Variants in TEX101 observed in about 807,000 individuals in gnomAD.
TEX101 encodes the protein testis-expressed protein 101.
Under a neutral mutation model 18.1 loss-of-function variants are expected in TEX101, and 10 were observed. The observed-to-expected ratio is 0.55, with a 90% confidence interval of 0.34 to 0.94. The LOEUF (loss-of-function observed/expected upper bound fraction) is 0.94, where lower values mean the gene tolerates loss of function less well. Among genes scored for constraint, TEX101 ranks in the 40% least tolerant of loss-of-function variants. The pLI is 0.02. For missense variants in TEX101, 259 were observed against 298.9 expected, an observed-to-expected ratio of 0.87 and a Z score of 0.98; for synonymous variants, 94 against 114.8, an observed-to-expected ratio of 0.82 and a Z score of 1.16.
chr19:43,416,685 A>G, intron 4 of TEX101, 130 bp downstream of exon 4: 1 of 879,026 alleles, frequency 1.1e-6, no homozygotes, highest in Non-Finnish European at 1.8e-6. Flanking sequence ...AGTTCAAGTA[A>G]TTTTATGTTT....
At chr19:43,404,406 AT>A (rs1002327283) in intron 2 of TEX101, among the ~76,000 whole-genome samples, 14 of 145,716 alleles carry the variant, frequency 9.6e-5, no homozygotes, top group African/African-American at 3.7e-4. Flanking sequence ...TGATATCTAT[AT>A]TATATTACAT....
the TEX101 span, among the ~76,000 whole-genome samples, chr19:43,391,648 G>T: frequency 2.0e-5 from 3 of 152,038 alleles, no homozygotes; most frequent in African/African-American, 7.2e-5. Flanking sequence ...AACCTTCCCG[G>T]GTGCACAGAC....
intron 2 of TEX101, among the ~76,000 whole-genome samples, chr19:43,405,099 G>A (rs1165275525): frequency 2.0e-5 from 3 of 152,222 alleles, no homozygotes; most frequent in African/African-American, 7.2e-5. Flanking sequence ...TGCAAGGTTA[G>A]TTAGTATGTA....
intron 2 of TEX101, among the ~76,000 whole-genome samples, chr19:43,403,025 C>G (rs1970331548): frequency 6.6e-6 from 1 of 152,182 alleles, no homozygotes; most frequent in Non-Finnish European, 1.5e-5. Flanking sequence ...AAATAATGAT[C>G]TGGACAGATG....
At position 43,415,950 on chromosome 19, in the gene TEX101, A is replaced by G; in HGVS notation, c.31A>G (p.Ile11Val). Residue 11 changes from isoleucine (I) to valine (V), a missense_variant, in exon 2 of 6, where the codon ATC becomes GTC. Ile to Val is a conservative substitution (Grantham distance 29, BLOSUM62 3). Transcript: ENST00000598265. MGTPRIQHLL[I>V]LLVLGASLLT... is the part of the protein sequence containing the mutation. Reference sequence around the variant, plus strand: ...AACCCCTCGTATCCAGCATTTGCTGATCCTCCTGGTCCTAGGAGCCTCCCT... The same window carrying G: ...AACCCCTCGTATCCAGCATTTGCTGGTCCTCCTGGTCCTAGGAGCCTCCCT... The G allele has an allele frequency of 6.2e-7, 1 of 1,614,126 alleles. No individual in the cohort carries two copies. The highest frequency in any genetic ancestry group is 1.1e-5 in the South Asian group (1 of 91,084).
At chr19:43,406,968 G>A (rs1182544230) in intron 3 of TEX101, among the ~76,000 whole-genome samples, 1 of 146,540 alleles carries the variant, frequency 6.8e-6, no homozygotes, top group African/African-American at 2.6e-5. Context: ...TCATTCTGTG[G>A]CACAGGCTGG....
the TEX101 span, among the ~76,000 whole-genome samples, chr19:43,393,368 G>A: frequency 1.2e-4 from 19 of 152,318 alleles, no homozygotes; most frequent in African/African-American, 3.1e-4. Context: ...CCCATCCATC[G>A]TTTCCTGGCC....
chr19:43,401,651 C>G (rs953717524), intron 1 of TEX101: 2 of 152,124 alleles, frequency 1.3e-5, no homozygotes, highest in Non-Finnish European at 2.9e-5. Context: ...GTTGGGAGTT[C>G]GAGACCAACC....
At chr19:43,389,808 T>C in the TEX101 span, among the ~76,000 whole-genome samples, 1 of 152,190 alleles carries the variant, frequency 6.6e-6, no homozygotes, top group Non-Finnish European at 1.5e-5. Context: ...GTCCCTTCCA[T>C]GTCCTACATC....
chr19:43,414,733 G>A (rs757703520), upstream of TEX101: 240 of 680,610 alleles, frequency 3.5e-4, no homozygotes, highest in Non-Finnish European at 4.2e-4. Context: ...CACCTTCCGA[G>A]CATGCGCACC....
the TEX101 span, among the ~76,000 whole-genome samples, chr19:43,392,098 G>GAA: frequency 1.3e-5 from 2 of 152,108 alleles, no homozygotes; most frequent in Non-Finnish European, 2.9e-5. Context: ...GATGGAGAGA[G>GAA]AGAGAAAATG....
upstream of TEX101, among the ~76,000 whole-genome samples, chr19:43,396,826 A>ATT (rs1202828153): frequency 0.011 from 919 of 82,916 alleles, 87 homozygotes; most frequent in Non-Finnish European, 0.015. Flanking sequence ...TGTTTTCAGC[A>ATT]TTTTTTTTTT....
the TEX101 span, among the ~76,000 whole-genome samples, chr19:43,395,742 G>T: frequency 2.6e-3 from 391 of 152,342 alleles, 13 homozygotes; most frequent in Admixed American, 0.024. Flanking sequence ...TTGGGAGCAG[G>T]ACACACCTGC....
At chr19:43,392,437 AC>A in the TEX101 span, among the ~76,000 whole-genome samples, 20 of 152,058 alleles carry the variant, frequency 1.3e-4, no homozygotes, top group Non-Finnish European at 2.5e-4. Flanking sequence ...CACTTGCGCA[AC>A]CCCGGATTTG....
At chr19:43,409,690 AC>A (rs1568457024) in intron 3 of TEX101, among the ~76,000 whole-genome samples, 2 of 152,088 alleles carry the variant, frequency 1.3e-5, no homozygotes, top group Non-Finnish European at 2.9e-5. Flanking sequence ...AATTGCTTGA[AC>A]CTGGGAGGCG....
At chr19:43,413,809 C>T (rs1456591988), upstream of TEX101, among the ~76,000 whole-genome samples, 1 of 152,014 alleles carries the variant, frequency 6.6e-6, no homozygotes, top group East Asian at 1.9e-4. Flanking sequence ...AAAAATTAGC[C>T]AGGTGTGGTG....
At chr19:43,413,273 G>A (rs184734516), upstream of TEX101, among the ~76,000 whole-genome samples, 15 of 151,880 alleles carry the variant, frequency 9.9e-5, 1 homozygote, top group East Asian at 2.0e-3. Flanking sequence ...TTTGGGGGGC[G>A]GGCGGATCAC....
upstream of TEX101, among the ~76,000 whole-genome samples, chr19:43,398,540 G>A (rs1171573883): frequency 4.6e-5 from 7 of 152,018 alleles, no homozygotes; most frequent in East Asian, 5.8e-4. Flanking sequence ...GATTATAGGC[G>A]TGAGCCATCA....
chr19:43,392,471 C>A, the TEX101 span, among the ~76,000 whole-genome samples: 5 of 152,134 alleles, frequency 3.3e-5, no homozygotes, highest in Admixed American at 3.3e-4. Context: ...GATTTTGCAG[C>A]AGAGACACCT....
Sources: allele counts gnomAD v4.1 joint callset (sites outside exome capture counted in the v4.1 genomes callset), GRCh38; gene constraint gnomAD v4.1.1; transcripts MANE v1.5; gene names NCBI Gene and HGNC (gene_info 2026-07-23, HGNC 2026-07-21).